Variants in PARVB observed in about 807,000 individuals in gnomAD.
PARVB encodes parvin beta.
In PARVB, 46 loss-of-function variants were observed where a neutral mutation model predicts 47.0. The observed-to-expected ratio is 0.98, with a 90% CI of 0.77 to 1.25. The LOEUF is 1.25. Among genes scored for constraint, PARVB ranks in the 50% most tolerant of loss-of-function variants. PARVB has a pLI of 0.00. For missense variants in PARVB, 473 were observed against 471.6 expected, an observed-to-expected ratio of 1.00 and a Z score of -0.03; for synonymous variants, 196 against 196.3, an observed-to-expected ratio of 1.00 and a Z score of 0.01.
chr22:44,109,031 C>T (rs1411778137), intron 3 of PARVB: 1 of 152,170 alleles, frequency 6.6e-6, no homozygotes, highest in East Asian at 1.9e-4. Context: ...GGTTTCACAT[C>T]TCATTCCCCG....
chr22:44,154,534 G>GGTGTGTGT (rs111362553), intron 10 of PARVB, among the ~76,000 whole-genome samples: 7 of 144,898 alleles, frequency 4.8e-5, no homozygotes, highest in South Asian at 2.2e-4. Context: ...TAGTCTGGTG[G>GGTGTGTGT]GTGTGTGTGT....
intron 6 of PARVB, among the ~76,000 whole-genome samples, chr22:44,134,428 C>A (rs965790072): frequency 6.6e-6 from 1 of 152,180 alleles, no homozygotes; most frequent in African/African-American, 2.4e-5. Flanking sequence ...CCCCAGGAGC[C>A]CTGTGCAGGC....
intron 1 of PARVB, among the ~76,000 whole-genome samples, chr22:44,090,440 G>A (rs942760634): frequency 2.0e-5 from 3 of 152,198 alleles, no homozygotes; most frequent in African/African-American, 7.2e-5. Context: ...AAAATCCCTG[G>A]CCCTGTTTAG....
chr22:44,136,380 G>A (rs992462436), intron 6 of PARVB, 80 bp from the exon 7 acceptor site: 58 of 1,266,302 alleles, frequency 4.6e-5, no homozygotes, highest in African/African-American at 7.3e-5. Flanking sequence ...CTCCGGCCCC[G>A]CAGCTTCGTC....
intron 12 of PARVB, among the ~76,000 whole-genome samples, chr22:44,164,693 C>T (rs139084): frequency 0.37 from 55,599 of 152,060 alleles, 10,544 homozygotes; most frequent in South Asian, 0.51. Context: ...CCTGGGCCCC[C>T]ACTTTGACCG....
chr22:44,081,757 G>C (rs1444129089), intron 1 of PARVB: 2 of 274,304 alleles, frequency 7.3e-6, no homozygotes, highest in East Asian at 1.8e-4. Context: ...TCGGAGGGGC[G>C]GTGACGGTGA....
intron 1 of PARVB, chr22:44,069,256 C>A: frequency 1.8e-6 from 2 of 1,131,858 alleles, no homozygotes; most frequent in Non-Finnish European, 2.7e-6. Flanking sequence ...TTTTGTTTTG[C>A]AAGAATGGAC....
chr22:44,021,951 A>G (rs886506824), upstream of PARVB, among the ~76,000 whole-genome samples: 19 of 152,104 alleles, frequency 1.2e-4, no homozygotes, highest in Non-Finnish European at 5.9e-5. Context: ...CCAAATGGAA[A>G]TGAACCTAGC....
intron 2 of PARVB, among the ~76,000 whole-genome samples, chr22:44,011,949 CAAAT>C (rs2050528102): frequency 6.6e-6 from 1 of 152,178 alleles, no homozygotes; most frequent in East Asian, 1.9e-4. Context: ...ACCTGGATGG[CAAAT>C]GAATGGCAAA....
intron 3 of PARVB, chr22:44,114,098 G>C (rs910272199): frequency 8.8e-6 from 1 of 113,502 alleles, no homozygotes; most frequent in African/African-American, 4.1e-5. Flanking sequence ...CACCAACACA[G>C]ATACATTGTT....
At chr22:44,088,829 T>C (rs2052094072) in intron 1 of PARVB, among the ~76,000 whole-genome samples, 2 of 152,134 alleles carry the variant, frequency 1.3e-5, no homozygotes, top group South Asian at 4.1e-4. Context: ...GCCCTGCACA[T>C]AGTAGGTGCT....
At chr22:44,031,800 C>T (rs1047292858) in intron 1 of PARVB, among the ~76,000 whole-genome samples, 2 of 152,142 alleles carry the variant, frequency 1.3e-5, no homozygotes, top group Admixed American at 1.3e-4. Context: ...ATCCCTGCTG[C>T]GAGTATGGAT....
intron 1 of PARVB, among the ~76,000 whole-genome samples, chr22:44,063,130 T>C: frequency 6.6e-6 from 1 of 152,124 alleles, no homozygotes; most frequent in Non-Finnish European, 1.5e-5. Flanking sequence ...GACTAAATAT[T>C]AGAACAAAAG....
intron 2 of PARVB, among the ~76,000 whole-genome samples, chr22:44,019,011 G>C (rs181998946): frequency 1.2e-4 from 18 of 152,196 alleles, no homozygotes; most frequent in Non-Finnish European, 2.4e-4. Flanking sequence ...TCCACCTCCA[G>C]GTTCAAGCGA....
At chr22:44,122,520 C>CAGAG (rs1569134259) in intron 4 of PARVB, among the ~76,000 whole-genome samples, 28 of 49,858 alleles carry the variant, frequency 5.6e-4, no homozygotes, top group African/African-American at 1.2e-3. Flanking sequence ...GAGAGAGAGA[C>CAGAG]AGAGAGACAG....
At chr22:44,167,914 C>G (rs1347062342) in intron 12 of PARVB, 1 of 152,534 alleles carries the variant, frequency 6.6e-6, no homozygotes, top group Non-Finnish European at 1.5e-5. Flanking sequence ...ACTCCATGCC[C>G]AGTGACAAGG....
At position 44,097,564 on chromosome 22, in the gene PARVB, T is replaced by G. The variant is rs186005485; in HGVS notation, c.203-2489T>G. 1.1e-3 allele frequency among the ~76,000 whole-genome samples: 166 copies of G among 152,322 alleles called. 3 individuals are homozygous for G. Among genetic ancestry groups the G allele is most frequent in the Non-Finnish European group, 7.8e-4 (53 of 68,026 alleles). On this transcript the variant is annotated intron_variant, in intron 2 of 12. Coordinates refer to ENST00000338758, the MANE Select transcript of PARVB (RefSeq NM_013327.5). Reference sequence around the variant, plus strand: ...TTTCTCATCTGGAGCAAGCGCCTGCTCTGAATCAGGCCCCTGCCCCGTGAG... The same window carrying G: ...TTTCTCATCTGGAGCAAGCGCCTGCGCTGAATCAGGCCCCTGCCCCGTGAG...
At chr22:44,081,520 G>T in intron 1 of PARVB, 1 of 739,598 alleles carries the variant, frequency 1.4e-6, no homozygotes, top group Non-Finnish European at 1.7e-6. Flanking sequence ...ACATTGGGAC[G>T]TTACCAGTCA....
In PARVB at chr22:44,068,865, T is replaced by G. The variant is rs2051590699; in HGVS notation, c.113-25063T>G. Among the ~76,000 whole-genome samples the G allele has an allele frequency of 6.6e-6, 1 of 152,286 alleles. No individual in the cohort carries two copies. The highest frequency in any genetic ancestry group is 2.1e-4 in the South Asian group (1 of 4,818). ...GGGCGCGCCCTTCCTTCCTTCTTTG[T>G]GCATGGGGGTTTTCCTGGGGAGCAG... is the stretch of plus-strand genomic sequence containing the variant. On this transcript the variant is annotated intron_variant, in intron 1 of 12. Transcript: ENST00000338758. This position sits in a 1 kb window ranked among gnomAD's most constrained non-coding sequence, Gnocchi z 4.1.
Sources: gnomAD v4.1 joint callset for allele counts (sites outside exome capture counted in the v4.1 genomes callset) on GRCh38, gnomAD v4.1.1 for gene constraint, Gnocchi (gnomAD v3.1) non-coding constraint, MANE v1.5 for transcripts, NCBI Gene and HGNC (gene_info 2026-07-23, HGNC 2026-07-21) for gene names.